The following MED25 variants were observed in gnomAD, a reference collection of about 807,000 sequenced individuals.
MED25 encodes mediator complex subunit 25, also known as mediator of RNA polymerase II transcription subunit 25.
MED25 carries 62 observed loss-of-function variants against 89.4 expected under a neutral mutation model. That is an observed-to-expected ratio of 0.69 (90% CI 0.57 to 0.86). MED25 has a LOEUF of 0.86. MED25 is among the 40% of genes least tolerant of loss of function. MED25 has a pLI of 0.00. For missense variants in MED25, 905 were observed against 1,005.2 expected, an observed-to-expected ratio of 0.90 and a Z score of 1.35; for synonymous variants, 449 against 427.9, an observed-to-expected ratio of 1.05 and a Z score of -0.61.
intron 3 of MED25, among the ~76,000 whole-genome samples, chr19:49,822,850 T>G (rs890861951): frequency 6.6e-6 from 1 of 151,906 alleles, no homozygotes; most frequent in African/African-American, 2.4e-5. Context: ...GGTTTCACTG[T>G]GTTAGCCGGG....
rs937030567 is a variant in MED25 at position 49,831,016 on chromosome 19, G to A, written c.1101+129G>A. On this transcript the variant is annotated intron_variant, in intron 9 of 17. Coordinates refer to ENST00000312865, the MANE Select transcript of MED25 (RefSeq NM_030973.4). This position sits in a 1 kb window ranked among gnomAD's most constrained non-coding sequence, Gnocchi z 5.0. ...TGGTTCTGGGGCTTTGGGGGCTCGT[G>A]GTGTGTGTGCTGCAGATGCCTGAGA... 8 of 1,067,942 alleles carry A rather than the reference G, an allele frequency of 7.5e-6. No individual in the cohort carries two copies. In the African/African-American group the frequency reaches 1.2e-4, roughly 16 times the overall value. The allele number at this position is 1,067,942 out of a possible 1,614,324, so 66.2% of individuals were successfully genotyped here.
chr19:49,836,874 G>T lies in MED25; in HGVS notation c.2174G>T (p.Arg725Leu). The T allele has an allele frequency of 6.2e-7, 1 of 1,611,906 alleles. No homozygotes were observed. The change falls in exon 18 of 18, where the codon CGG becomes CTG. Residue 725 changes from arginine (R) to leucine (L), a missense_variant. Arg to Leu is a moderately radical substitution (Grantham distance 102, BLOSUM62 -2). Transcript: ENST00000312865. This position sits in a 1 kb window ranked among gnomAD's most constrained non-coding sequence, Gnocchi z 5.1. ...CAGATGCTGCTGAGCGGGGGTCCCC[G>T]GGGCCCGGTCCCCCAGCCGGGCCTG... is the stretch of plus-strand genomic sequence containing the variant. ...PGQMLLSGGP[R>L]GPVPQPGLQP...
In MED25 at chr19:49,836,818, G is replaced by C. The variant is rs557444906; in HGVS notation, c.2147-29G>C. On this transcript the variant is annotated intron_variant, in intron 17 of 17. Transcript: ENST00000312865. This position sits in a 1 kb window ranked among gnomAD's most constrained non-coding sequence, Gnocchi z 5.1. ...TCCTGGGCCCAAGGGCCTACTGGGA[G>C]ATGCAGTCCCTTCCCCACTGCCCCT... 6.4e-7 allele frequency: 1 copy of C among 1,566,638 alleles called. No homozygotes were observed. The highest frequency in any genetic ancestry group is 1.1e-5 in the South Asian group (1 of 88,992).
Position 49,836,464 on chromosome 19 carries a change from C to A in MED25, c.2146+58C>A. On this transcript the variant is annotated intron_variant, in intron 17 of 17. Transcript: ENST00000312865. The surrounding 1 kb of genome is among the most constrained non-coding windows in gnomAD (Gnocchi z 5.1). ...ACTGAGTGTCCCAGCAGCTCCTGGG[C>A]TAGAGCACCAAGACCGAGTGCTCCT... 6.5e-7 allele frequency: 1 copy of A among 1,533,142 alleles called. No individual in the cohort carries two copies. The highest frequency in any genetic ancestry group is 8.9e-7 in the Non-Finnish European group (1 of 1,129,884). 95.0% of individuals were successfully genotyped at this position (1,533,142 alleles called of 1,614,324 possible).
Position 49,830,416 on chromosome 19 carries a change from C to T in MED25, c.820-95C>T. 4.5e-6 allele frequency: 6 copies of T among 1,338,822 alleles called. No individual in the cohort carries two copies. The highest frequency in any genetic ancestry group is 6.4e-6 in the Non-Finnish European group (6 of 941,150). 82.9% of individuals were successfully genotyped at this position (1,338,822 alleles called of 1,614,324 possible). A position where few individuals can be genotyped will look rare whatever the true frequency, so the allele number is the denominator to read the frequency against. On this transcript the variant is annotated intron_variant, in intron 7 of 17. Transcript: ENST00000312865. This position sits in a 1 kb window ranked among gnomAD's most constrained non-coding sequence, Gnocchi z 4.6. The stretch of plus-strand genomic sequence containing the variant: ...TGAGCTAAGCTATCCCAGCTGGTGC[C>T]TCATGGGGCCATGGGTGGTGTGACC...
At chr19:49,823,645 A>T (rs1468394930) in intron 3 of MED25, among the ~76,000 whole-genome samples, 2 of 152,138 alleles carry the variant, frequency 1.3e-5, no homozygotes, top group African/African-American at 4.8e-5. Flanking sequence ...TTACCTCTGT[A>T]TGCTTCTGCA....
intron 13 of MED25, 21 bp downstream of exon 13, chr19:49,832,436 G>T (rs1224553860): frequency 1.5e-6 from 2 of 1,368,546 alleles, no homozygotes; most frequent in Non-Finnish European, 2.1e-6. Flanking sequence ...GGCATGGGGG[G>T]CCGAGGGGTG....
At position 49,836,105 on chromosome 19, in the gene MED25, C is replaced by A; in HGVS notation, c.1966-121C>A. The stretch of plus-strand genomic sequence containing the variant: ...GCAGACCGCCTCCTCTCCGTCCATC[C>A]CCCACCTTTGAAGAAAAACTTCCCC... On this transcript the variant is annotated intron_variant, in intron 16 of 17. Transcript: ENST00000312865. This position sits in a 1 kb window ranked among gnomAD's most constrained non-coding sequence, Gnocchi z 5.1. 6.6e-7 allele frequency: 1 copy of A among 1,513,858 alleles called. No individual in the cohort carries two copies. Among genetic ancestry groups the A allele is most frequent in the Admixed American group, 1.9e-5 (1 of 51,848 alleles). The allele number at this position is 1,513,858 out of a possible 1,614,324, so 93.8% of individuals were successfully genotyped here.
chr19:49,818,494 A>AC lies in MED25; in HGVS notation c.134+20dup. The AC allele has an allele frequency of 6.2e-7, 1 of 1,613,608 alleles. No individual in the cohort carries two copies. The highest frequency in any genetic ancestry group is 8.5e-7 in the Non-Finnish European group (1 of 1,179,882). ...CCATCGAGTGAGTGCTGTTTCCGCG[A>AC]CTCTAACCCCGCCCTCCCACTTCAG... On this transcript the variant is annotated intron_variant, in intron 1 of 17. Transcript: ENST00000312865.
chr19:49,828,699 C>A, intron 4 of MED25, 152 bp downstream of exon 4: 1 of 917,036 alleles, frequency 1.1e-6, no homozygotes, highest in South Asian at 1.4e-5. Context: ...CAGGTGTGTC[C>A]TTGGGGGACG....
At chr19:49,821,280 C>T (rs2073979739) in intron 3 of MED25, among the ~76,000 whole-genome samples, 1 of 152,102 alleles carries the variant, frequency 6.6e-6, no homozygotes, top group African/African-American at 2.4e-5. Flanking sequence ...AAGAGGAAGC[C>T]CCAGGCCTCT....
At position 49,834,487 on chromosome 19, in the gene MED25, C is replaced by T. The variant is rs529310111; in HGVS notation, c.1483-499C>T. On this transcript the variant is annotated intron_variant, in intron 13 of 17. Coordinates refer to ENST00000312865, the MANE Select transcript of MED25 (RefSeq NM_030973.4). This position sits in a 1 kb window ranked among gnomAD's most constrained non-coding sequence, Gnocchi z 4.1. ...GGCAGGGCTCTTGCTGTGGATCAGA[C>T]ATCGCATAGTCACAGCGACCCTGTG... 4.6e-5 allele frequency: 9 copies of T among 195,932 alleles called. No individual in the cohort carries two copies. The highest frequency in any genetic ancestry group is 2.1e-4 in the Admixed American group (4 of 19,006). 12.1% of individuals were successfully genotyped at this position (195,932 alleles called of 1,614,324 possible). A position where few individuals can be genotyped will look rare whatever the true frequency, so the allele number is the denominator to read the frequency against.
At position 49,831,953 on chromosome 19, in the gene MED25, AGTG is replaced by A. The variant is rs1203277455; in HGVS notation, c.1250_1252del (p.Val417del). On this transcript the variant is annotated inframe_deletion, in exon 11 of 18. Transcript: ENST00000312865. This position sits in a 1 kb window ranked among gnomAD's most constrained non-coding sequence, Gnocchi z 5.0. ...CCCCTCAGAAACCCAAACCTGCCTC[AGTG>A]GATGCCAACACCAAGCTGACGCGGT... The A allele has an allele frequency of 1.2e-6, 2 of 1,613,230 alleles. No individual in the cohort carries two copies. Among genetic ancestry groups the A allele is most frequent in the East Asian group, 4.5e-5 (2 of 44,840 alleles).
At chr19:49,832,595 A>G (rs1050930660) in intron 13 of MED25, among the ~76,000 whole-genome samples, 180 bp downstream of exon 13, 1 of 152,074 alleles carries the variant, frequency 6.6e-6, no homozygotes, top group Non-Finnish European at 1.5e-5. Flanking sequence ...TAATCATCGT[A>G]TGCACCAGAT....
chr19:49,832,630 T>C (rs749926488), intron 13 of MED25, among the ~76,000 whole-genome samples: 32 of 152,164 alleles, frequency 2.1e-4, no homozygotes, highest in Middle Eastern at 3.2e-3. Flanking sequence ...ACATTAAAAA[T>C]GTGAGCTGGA....
At chr19:49,833,627 C>G (rs947808824) in intron 13 of MED25, 2 of 152,180 alleles carry the variant, frequency 1.3e-5, no homozygotes, top group Admixed American at 1.3e-4. Context: ...TGGGGGCACT[C>G]GGAAAAAATG....
At chr19:49,823,594 G>T (rs1438993810) in intron 3 of MED25, among the ~76,000 whole-genome samples, 2 of 152,124 alleles carry the variant, frequency 1.3e-5, no homozygotes, top group African/African-American at 4.8e-5. Flanking sequence ...GGCCTGGTCT[G>T]CAGTCAAGGT....
intron 3 of MED25, among the ~76,000 whole-genome samples, chr19:49,823,185 C>G (rs150200280): frequency 2.7e-4 from 41 of 152,274 alleles, no homozygotes; most frequent in African/African-American, 9.4e-4. Flanking sequence ...AACTCCTGGC[C>G]TCAAGCGATC....
chr19:49,838,761 G>C (rs1347092394), downstream of MED25: 1 of 456,662 alleles, frequency 2.2e-6, no homozygotes, highest in Middle Eastern at 3.3e-4. Flanking sequence ...GCTACGACCA[G>C]TACACAGAAC....
Sources: gnomAD v4.1 joint callset for allele counts (sites outside exome capture counted in the v4.1 genomes callset) on GRCh38, gnomAD v4.1.1 for gene constraint, Gnocchi (gnomAD v3.1) non-coding constraint, MANE v1.5 for transcripts, NCBI Gene and HGNC (gene_info 2026-07-23, HGNC 2026-07-21) for gene names.